Variants in BCL2L14 observed in about 807,000 individuals in gnomAD.
BCL2L14 encodes BCL2 like 14, also known as apoptosis facilitator Bcl-2-like protein 14.
Under a neutral mutation model 35.3 loss-of-function variants are expected in BCL2L14, and 27 were observed. The ratio of observed to expected loss-of-function variants is 0.76; its 90% CI spans 0.56 to 1.05. The LOEUF (loss-of-function observed/expected upper bound fraction) is 1.05. BCL2L14 is among the 50% of genes least tolerant of loss of function. The pLI, the probability that BCL2L14 is intolerant of heterozygous loss-of-function variation, is 0.00. For missense variants in BCL2L14, 377 were observed against 382.6 expected (o/e 0.99, Z 0.12); for synonymous variants, 139 against 145.9 (o/e 0.95, Z 0.34).
intron 2 of BCL2L14, among the ~76,000 whole-genome samples, chr12:12,054,228 C>T (rs117877850): frequency 2.0e-5 from 3 of 152,102 alleles, no homozygotes; most frequent in Non-Finnish European, 2.9e-5. Context: ...AGGGGCTGGG[C>T]GCAGTAGCTC....
chr12:12,053,075 C>A (rs942411769), intron 2 of BCL2L14, among the ~76,000 whole-genome samples: 6 of 152,156 alleles, frequency 3.9e-5, no homozygotes, highest in African/African-American at 1.4e-4. Context: ...ATGATGGTAC[C>A]ACCAGCACCA....
At chr12:12,064,888 T>C (rs1948575601) in intron 2 of BCL2L14, among the ~76,000 whole-genome samples, 2 of 152,250 alleles carry the variant, frequency 1.3e-5, no homozygotes, top group South Asian at 4.1e-4. Context: ...GCGTGATCTC[T>C]GTACTAAGAA....
At chr12:12,058,030 C>T (rs1402708151) in intron 2 of BCL2L14, among the ~76,000 whole-genome samples, 6 of 151,278 alleles carry the variant, frequency 4.0e-5, no homozygotes, top group African/African-American at 1.5e-4. Flanking sequence ...TCACTGCAAC[C>T]TCCCCCTCCT....
intron 1 of BCL2L14, among the ~76,000 whole-genome samples, chr12:12,073,281 G>A (rs995502135): frequency 6.6e-6 from 1 of 152,272 alleles, no homozygotes; most frequent in East Asian, 1.9e-4. Flanking sequence ...CGCTCCCTCC[G>A]CTGTAGGGTA....
At chr12:12,067,096 G>A (rs963332338), upstream of BCL2L14, among the ~76,000 whole-genome samples, 1 of 151,846 alleles carries the variant, frequency 6.6e-6, no homozygotes, top group Non-Finnish European at 1.5e-5. Flanking sequence ...ACTGAGTCTC[G>A]CTCTGTCACC....
chr12:12,075,325 G>T (rs946674396), intron 1 of BCL2L14, among the ~76,000 whole-genome samples: 37 of 152,050 alleles, frequency 2.4e-4, no homozygotes, highest in African/African-American at 8.5e-4. Context: ...GTTTCACCAC[G>T]TTGGCCAGGC....
At chr12:12,053,423 C>CTT (rs5796482) in intron 2 of BCL2L14, among the ~76,000 whole-genome samples, 9,159 of 148,640 alleles carry the variant, frequency 0.062, 340 homozygotes, top group Non-Finnish European at 0.085. Flanking sequence ...TCTTCTTCTT[C>CTT]TTTTTTTTTT....
At chr12:12,064,748 C>T (rs993812605) in intron 2 of BCL2L14, among the ~76,000 whole-genome samples, 3 of 152,206 alleles carry the variant, frequency 2.0e-5, no homozygotes, top group Non-Finnish European at 2.9e-5. Flanking sequence ...ATGTTTATCA[C>T]CGTGGCTTCC....
chr12:12,065,477 A>C (rs2136720859), intron 2 of BCL2L14, among the ~76,000 whole-genome samples: 1 of 151,544 alleles, frequency 6.6e-6, no homozygotes, highest in East Asian at 2.0e-4. Flanking sequence ...CGGAGGTTGC[A>C]GTGAGCAGAG....
intron 5 of BCL2L14, chr12:12,096,290 G>A (rs2448050): frequency 0.55 from 290,050 of 522,798 alleles, 81,399 homozygotes; most frequent in East Asian, 0.65. Flanking sequence ...TCAAAAATCT[G>A]TTTAACCCAC....
chr12:12,080,505 A>G (rs1350786017), intron 2 of BCL2L14, among the ~76,000 whole-genome samples: 1 of 151,698 alleles, frequency 6.6e-6, no homozygotes, highest in African/African-American at 2.4e-5. Context: ...TTGTATTCCC[A>G]GCTACTCGGG....
intron 2 of BCL2L14, among the ~76,000 whole-genome samples, chr12:12,082,473 A>T (rs964956493): frequency 6.6e-6 from 1 of 152,204 alleles, no homozygotes; most frequent in Non-Finnish European, 1.5e-5. Context: ...CAGACAGAGA[A>T]AGCTTTTACA....
chr12:12,066,029 G>C (rs1948589834), upstream of BCL2L14, among the ~76,000 whole-genome samples: 1 of 152,132 alleles, frequency 6.6e-6, no homozygotes, highest in South Asian at 2.1e-4. Flanking sequence ...GACCTCAGAT[G>C]ATCCACCCAC....
At chr12:12,080,971 C>T (rs959271771) in intron 2 of BCL2L14, among the ~76,000 whole-genome samples, 2 of 152,098 alleles carry the variant, frequency 1.3e-5, no homozygotes, top group African/African-American at 4.8e-5. Flanking sequence ...ATCGGTTGAG[C>T]TCAGGAGTTC....
At chr12:12,085,550 C>G (rs1162126962) in intron 2 of BCL2L14, among the ~76,000 whole-genome samples, 1 of 152,208 alleles carries the variant, frequency 6.6e-6, no homozygotes, top group Non-Finnish European at 1.5e-5. Context: ...TCTTTCTTCT[C>G]TCCGTCATTC....
chr12:12,073,000 C>G (rs1049976635), intron 1 of BCL2L14, among the ~76,000 whole-genome samples: 28 of 152,072 alleles, frequency 1.8e-4, no homozygotes, highest in African/African-American at 4.8e-4. Context: ...GATTCTCCCC[C>G]CTCAGCCTCC....
At chr12:12,087,991 G>A (rs1048050087) in intron 3 of BCL2L14, among the ~76,000 whole-genome samples, 3 of 152,188 alleles carry the variant, frequency 2.0e-5, no homozygotes, top group Non-Finnish European at 2.9e-5. Flanking sequence ...GAGAAGCTCT[G>A]CCCGGCATTC....
At chr12:12,078,878 C>T (rs1591821042) in intron 1 of BCL2L14, among the ~76,000 whole-genome samples, 1 of 152,200 alleles carries the variant, frequency 6.6e-6, no homozygotes, top group Non-Finnish European at 1.5e-5. Flanking sequence ...CTCACTACAA[C>T]CCCCGACTCC....
rs753606618 is a variant in BCL2L14 at position 12,079,260 on chromosome 12, C to G, written c.-7-39C>G. ...TCCTAACCTGCAAAGGGTAAGTGGC[C>G]CTGCATAGAAGGGCACAGTGTGGAC... On this transcript the variant is annotated intron_variant, in intron 1 of 5. Coordinates refer to ENST00000308721, the MANE Select transcript of BCL2L14 (RefSeq NM_138723.2). The G allele has an allele frequency of 1.1e-4, 167 of 1,550,824 alleles. 1 individual carries two copies. In the Admixed American group the frequency reaches 2.9e-3, roughly 27 times the overall value.
Sources: gnomAD v4.1 joint callset for allele counts (sites outside exome capture counted in the v4.1 genomes callset) on GRCh38, gnomAD v4.1.1 for gene constraint, MANE v1.5 for transcripts, NCBI Gene and HGNC (gene_info 2026-07-23, HGNC 2026-07-21) for gene names.